MCM2: variants seen among roughly 807,000 people sequenced by gnomAD.
MCM2 encodes the protein DNA replication licensing factor MCM2.
A neutral mutation model predicts 86.4 loss-of-function variants in MCM2; 49 were observed. The ratio of observed to expected loss-of-function variants is 0.57; its 90% CI spans 0.45 to 0.72. The LOEUF (loss-of-function observed/expected upper bound fraction) is 0.72. MCM2 is among the 30% of genes least tolerant of loss of function. The pLI, the probability that MCM2 is intolerant of heterozygous loss-of-function variation, is 0.00. For missense variants in MCM2, 1,038 were observed against 1,259.9 expected (o/e 0.82, Z 2.67); for synonymous variants, 475 against 484.6 (o/e 0.98, Z 0.26).
Position 127,605,173 on chromosome 3 carries a change from C to T in MCM2, c.673+17C>T, listed in dbSNP as rs892458821. 6.2e-7 allele frequency: 1 copy of T among 1,607,754 alleles called. No individual in the cohort carries two copies. Among genetic ancestry groups the T allele is most frequent in the Non-Finnish European group, 8.5e-7 (1 of 1,175,174 alleles). ...TGTGCAAAGGTGTGGCTTCCCTACG[C>T]CCCCGCCTCAGCCCCTGTAGCGCCT... is the stretch of plus-strand genomic sequence containing the variant. On this transcript the variant is annotated intron_variant, in intron 4 of 15. Coordinates refer to ENST00000265056, the MANE Select transcript of MCM2 (RefSeq NM_004526.4).
At chr3:127,608,550 G>T in intron 7 of MCM2, 34 bp downstream of exon 7, 1 of 1,612,340 alleles carries the variant, frequency 6.2e-7, no homozygotes, top group Non-Finnish European at 8.5e-7. Context: ...AGGGAGCCAA[G>T]TTGCAGAGGG....
rs376003409 is a variant in MCM2 at position 127,606,369 on chromosome 3, C to T, written c.893+32C>T. ...TGAGGGCAGGTGAGGATGGCAGGTCCGAGCTCAGTGCTGGGTGACTCGGTC... is the reference window on the plus strand; with the variant it reads ...TGAGGGCAGGTGAGGATGGCAGGTCTGAGCTCAGTGCTGGGTGACTCGGTC... On this transcript the variant is annotated intron_variant, in intron 5 of 15. Transcript: ENST00000265056. This position sits in a 1 kb window ranked among gnomAD's most constrained non-coding sequence, Gnocchi z 4.2. 37 of 1,604,174 alleles carry T rather than the reference C, an allele frequency of 2.3e-5. No individual in the cohort carries two copies. The highest frequency in any genetic ancestry group is 1.7e-4 in the African/African-American group (13 of 74,714).
intron 8 of MCM2, among the ~76,000 whole-genome samples, chr3:127,612,533 G>A (rs2074406753): frequency 6.6e-6 from 1 of 152,354 alleles, no homozygotes; most frequent in South Asian, 2.1e-4. Flanking sequence ...GGCTACCAAA[G>A]TTAAACTATT....
In MCM2 at chr3:127,604,929, G is replaced by T. The variant is rs35343063; in HGVS notation, c.446G>T (p.Arg149Leu). Reference sequence around the variant, plus strand: ...GAGGAGGACGAGGAGCGCCCTGCCCGCAAGCGCCGCCAGGTGGAGCGGGCC... The same window carrying T: ...GAGGAGGACGAGGAGCGCCCTGCCCTCAAGCGCCGCCAGGTGGAGCGGGCC... Reference protein sequence around the residue: ...SDEEDEERPARKRRQVERATE... With the variant: ...SDEEDEERPALKRRQVERATE... Residue 149 changes from arginine to leucine, a missense_variant, in exon 4 of 16, where the codon CGC becomes CTC. Coordinates refer to ENST00000265056, the MANE Select transcript of MCM2 (RefSeq NM_004526.4). The T allele has an allele frequency of 2.5e-6, 4 of 1,613,284 alleles. No individual in the cohort carries two copies. Among genetic ancestry groups the T allele is most frequent in the East Asian group, 2.2e-5 (1 of 44,854 alleles).
In MCM2 at chr3:127,617,162, G is replaced by A. The variant is rs367655137; in HGVS notation, c.1773+44G>A. On this transcript the variant is annotated intron_variant, in intron 10 of 15. Coordinates refer to ENST00000265056, the MANE Select transcript of MCM2 (RefSeq NM_004526.4). The surrounding 1 kb of genome is among the most constrained non-coding windows in gnomAD (Gnocchi z 4.1). ...GAGGCTGGTGGAACTCAGGGGGTGT[G>A]TGTGGGCTTGGGCCTTAGCGACGGG... The A allele has an allele frequency of 7.2e-5, 116 of 1,607,078 alleles. No homozygotes were observed. Among genetic ancestry groups the A allele is most frequent in the Admixed American group, 1.5e-4 (9 of 59,732 alleles).
In MCM2 at chr3:127,616,894, A is replaced by C; in HGVS notation, c.1549A>C (p.Ile517Leu). The C allele has an allele frequency of 6.2e-7, 1 of 1,614,092 alleles. No homozygotes were observed. Among genetic ancestry groups the C allele is most frequent in the Non-Finnish European group, 8.5e-7 (1 of 1,180,014 alleles). Residue 517 changes from isoleucine to leucine, a missense_variant, in exon 10 of 16, where the codon ATC becomes CTC. This residue lies in a region of MCM2 where 399 missense variants were observed against 507.2 expected (regional missense o/e 0.79). Coordinates refer to ENST00000265056, the MANE Select transcript of MCM2 (RefSeq NM_004526.4). ...TGGCAAGCACAAGGTACGTGGTGATATCAACGTGCTCTTGTGCGGAGACCC... is the reference window on the plus strand; with the variant it reads ...TGGCAAGCACAAGGTACGTGGTGATCTCAACGTGCTCTTGTGCGGAGACCC... ...PGGKHKVRGDINVLLCGDPGT... is the reference protein window; with the variant it reads ...PGGKHKVRGDLNVLLCGDPGT...
chr3:127,603,132 C>T (rs932419112), intron 2 of MCM2, among the ~76,000 whole-genome samples: 7 of 149,836 alleles, frequency 4.7e-5, no homozygotes, highest in Non-Finnish European at 1.0e-4. Context: ...TCCCAAGTAG[C>T]TGGGACTACA....
At chr3:127,615,804 G>C in intron 8 of MCM2, 58 bp from the exon 9 acceptor site, 2 of 1,263,536 alleles carry the variant, frequency 1.6e-6, no homozygotes, top group Non-Finnish European at 2.3e-6. Context: ...AGAGCATGTG[G>C]GTGACCTACT....
In MCM2 at chr3:127,618,973, C is replaced by A; in HGVS notation, c.2014-54C>A. ...TCAGCCCTTCTCCAGCCACTGACCT[C>A]CCCAAAGCCACGCACACCCACAATC... is the stretch of plus-strand genomic sequence containing the variant. On this transcript the variant is annotated intron_variant, in intron 12 of 15. Coordinates refer to ENST00000265056, the MANE Select transcript of MCM2 (RefSeq NM_004526.4). The surrounding 1 kb of genome is among the most constrained non-coding windows in gnomAD (Gnocchi z 4.0). 1.3e-6 allele frequency: 2 copies of A among 1,508,772 alleles called. No individual in the cohort carries two copies. The highest frequency in any genetic ancestry group is 1.8e-6 in the Non-Finnish European group (2 of 1,125,124). The allele number at this position is 1,508,772 out of a possible 1,614,324, so 93.5% of individuals were successfully genotyped here. A position where few individuals can be genotyped will look rare whatever the true frequency, so the allele number is the denominator to read the frequency against.
intron 13 of MCM2, 30 bp downstream of exon 13, chr3:127,619,308 T>TA (rs1198693859): frequency 3.1e-6 from 5 of 1,599,956 alleles, no homozygotes; most frequent in Non-Finnish European, 4.3e-6. Flanking sequence ...CGGGAGGTGC[T>TA]ATGCAGAGAA....
At chr3:127,598,542 C>T in intron 1 of MCM2, 70 bp downstream of exon 1, 2 of 1,577,616 alleles carry the variant, frequency 1.3e-6, no homozygotes, top group Non-Finnish European at 1.7e-6. Context: ...TTCCCGTACT[C>T]TGGCCCCGGC....
Position 127,604,620 on chromosome 3 carries a change from C to T in MCM2, c.249C>T (p.Ala83=), listed in dbSNP as rs1472177884. 1.9e-6 allele frequency: 3 copies of T among 1,613,122 alleles called. No homozygotes were observed. The East Asian group carries it at 6.7e-5, about 36-fold the overall frequency. The change falls in exon 3 of 16, where the codon GCC becomes GCT. Residue 83 remains alanine (A), a synonymous_variant. Transcript: ENST00000265056. The part of the protein sequence containing the change: ...IGDGMERDYR[A]IPELDAYEAE... ...GGTGCTCCCTCAGGGACTACCGCGC[C>T]ATCCCAGAGCTGGACGCCTATGAGG... is the stretch of plus-strand genomic sequence containing the variant.
At chr3:127,605,726 C>T (rs1258811866) in intron 4 of MCM2, among the ~76,000 whole-genome samples, 1 of 152,102 alleles carries the variant, frequency 6.6e-6, no homozygotes, top group African/African-American at 2.4e-5. Context: ...AGGCGTGAGC[C>T]ACCGTCCCCA....
intron 8 of MCM2, among the ~76,000 whole-genome samples, chr3:127,613,056 G>A (rs967979803): frequency 6.6e-6 from 1 of 152,214 alleles, no homozygotes; most frequent in African/African-American, 2.4e-5. Context: ...GCGGTGGAAG[G>A]CACAGCAGGC....
At chr3:127,616,336 C>A (rs2074431861) in intron 9 of MCM2, among the ~76,000 whole-genome samples, 1 of 152,138 alleles carries the variant, frequency 6.6e-6, no homozygotes, top group African/African-American at 2.4e-5. Context: ...GGCTGATTTC[C>A]CCATTGACCC....
In MCM2 at chr3:127,621,022, T is replaced by C. The variant is rs575691494; in HGVS notation, c.2449-51T>C. 5 of 1,602,650 alleles carry C rather than the reference T, an allele frequency of 3.1e-6. No individual in the cohort carries two copies. The East Asian group carries it at 6.7e-5, about 21-fold the overall frequency. The stretch of plus-strand genomic sequence containing the variant: ...GTGCTGGCACGTAGGGTAAAGGGAG[T>C]GTGGCAGGCGTAGTGGGAGCGGGTG... On this transcript the variant is annotated intron_variant, in intron 14 of 15. Transcript: ENST00000265056.
At chr3:127,619,610 C>T (rs1353901789) in intron 13 of MCM2, among the ~76,000 whole-genome samples, 4 of 152,094 alleles carry the variant, frequency 2.6e-5, no homozygotes, top group East Asian at 1.9e-4. Context: ...ACCCGGGAGG[C>T]GGAGGGTGCA....
rs753586394 is a variant in MCM2, at chr3:127,617,153, A to G, written c.1773+35A>G. ...TGGGTCACGGAGGCTGGTGGAACTC[A>G]GGGGGTGTGTGTGGGCTTGGGCCTT... is the stretch of plus-strand genomic sequence containing the variant. On this transcript the variant is annotated intron_variant, in intron 10 of 15. Transcript: ENST00000265056. The surrounding 1 kb of genome is among the most constrained non-coding windows in gnomAD (Gnocchi z 4.1). 3.1e-6 allele frequency: 5 copies of G among 1,608,014 alleles called. No individual in the cohort carries two copies. In the South Asian group the frequency reaches 4.4e-5, roughly 14 times the overall value.
At chr3:127,598,902 C>G (rs1214983070) in intron 1 of MCM2, 1 of 341,544 alleles carries the variant, frequency 2.9e-6, no homozygotes, top group African/African-American at 2.2e-5. Flanking sequence ...CATCTGAGTT[C>G]CAGACCTCTT....
Sources: allele counts gnomAD v4.1 joint callset (sites outside exome capture counted in the v4.1 genomes callset), GRCh38; gene constraint gnomAD v4.1.1; regional missense constraint gnomAD v4.1.1; non-coding constraint Gnocchi (gnomAD v3.1); transcripts MANE v1.5; gene names NCBI Gene and HGNC (gene_info 2026-07-23, HGNC 2026-07-21).